The following TMIE variants were observed in gnomAD, a reference collection of about 807,000 sequenced individuals.
TMIE encodes transmembrane inner ear, also known as transmembrane inner ear expressed protein.
A neutral mutation model predicts 16.8 loss-of-function variants in TMIE; 14 were observed. That is an observed-to-expected ratio of 0.83 (90% CI 0.55 to 1.30). TMIE has a LOEUF of 1.30. Among genes scored for constraint, TMIE ranks in the 50% most tolerant of loss-of-function variants. The pLI is 0.00. For missense variants in TMIE, 204 were observed against 205.9 expected (o/e 0.99, Z 0.06); for synonymous variants, 75 against 87.2 (o/e 0.86, Z 0.78).
Position 46,709,532 on chromosome 3 carries a change from G to A in TMIE, c.362-47G>A, listed in dbSNP as rs774359006. 30 of 1,613,918 alleles carry A rather than the reference G, an allele frequency of 1.9e-5. No individual in the cohort carries two copies. In the South Asian group the frequency reaches 2.0e-4, roughly 11 times the overall value. On this transcript the variant is annotated intron_variant, in intron 3 of 3. Coordinates refer to ENST00000643606, the MANE Select transcript of TMIE (RefSeq NM_147196.3). ...TCCCCTCAGGACAGTCAGACCCCAG[G>A]ACCTTGTCTCACCACTATCACATGG...
At chr3:46,700,296 G>A (rs898059420), upstream of TMIE, among the ~76,000 whole-genome samples, 1 of 152,194 alleles carries the variant, frequency 6.6e-6, no homozygotes, top group Non-Finnish European at 1.5e-5. Context: ...ACTGGCAGGT[G>A]ACCGCAGGTG....
chr3:46,707,193 G>A (rs553859794), intron 2 of TMIE, among the ~76,000 whole-genome samples: 6 of 152,316 alleles, frequency 3.9e-5, no homozygotes, highest in Admixed American at 6.5e-5. Context: ...CAGGGCTCGG[G>A]GGTCATCTGC....
chr3:46,694,375 G>T (rs1409782161), upstream of TMIE, among the ~76,000 whole-genome samples: 1 of 152,218 alleles, frequency 6.6e-6, no homozygotes, highest in Non-Finnish European at 1.5e-5. Context: ...CCGGGAGCGG[G>T]AGGGAACTTA....
At chr3:46,702,807 C>G (rs1700494131) in intron 1 of TMIE, among the ~76,000 whole-genome samples, 1 of 152,122 alleles carries the variant, frequency 6.6e-6, no homozygotes, top group Non-Finnish European at 1.5e-5. Context: ...GACCACAAGG[C>G]TGGGCTAGAG....
chr3:46,700,305 T>C (rs1051766879), upstream of TMIE, among the ~76,000 whole-genome samples: 5 of 152,176 alleles, frequency 3.3e-5, no homozygotes, highest in Non-Finnish European at 5.9e-5. Context: ...TGACCGCAGG[T>C]GGCCCTCCGC....
Position 46,701,819 on chromosome 3 carries a change from A to C in TMIE, c.93+239A>C, listed in dbSNP as rs1700481650. Among the ~76,000 whole-genome samples the C allele has an allele frequency of 6.6e-6, 1 of 152,102 alleles. No homozygotes were observed. Among genetic ancestry groups the C allele is most frequent in the African/African-American group, 2.4e-5 (1 of 41,414 alleles). On this transcript the variant is annotated intron_variant, in intron 1 of 3. Coordinates refer to ENST00000643606, the MANE Select transcript of TMIE (RefSeq NM_147196.3). The surrounding 1 kb of genome is among the most constrained non-coding windows in gnomAD (Gnocchi z 4.3). ...CACAGTACCCGATTTCTGGAACATT[A>C]GTCTGACGGGGGAGACTCACCTTGA...
rs1309826147 is a variant in TMIE, at chr3:46,709,819, C to T, written c.*131C>T. On this transcript the variant is annotated 3_prime_UTR_variant, in exon 4 of 4. Transcript: ENST00000643606. ...CAGAGAGGGAAGCTGAGGCCCATGG[C>T]CACATCCTCATGGCCCATCAGGGGC... The T allele has an allele frequency of 6.5e-7, 1 of 1,544,992 alleles. No individual in the cohort carries two copies. The highest frequency in any genetic ancestry group is 1.4e-5 in the African/African-American group (1 of 73,450).
At chr3:46,696,003 G>T (rs146947143) in intron 1 of TMIE, among the ~76,000 whole-genome samples, 2 of 152,126 alleles carry the variant, frequency 1.3e-5, no homozygotes, top group Non-Finnish European at 2.9e-5. Flanking sequence ...AGCCTCTGCT[G>T]AGTCCACCTG....
chr3:46,704,503 C>A (rs1360179579), intron 1 of TMIE, among the ~76,000 whole-genome samples: 1 of 125,864 alleles, frequency 7.9e-6, no homozygotes, highest in Non-Finnish European at 1.6e-5. Flanking sequence ...AGGGCAGGAC[C>A]GTGTCCCCTA....
At chr3:46,707,866 A>C (rs1700571781) in intron 2 of TMIE, among the ~76,000 whole-genome samples, 1 of 152,162 alleles carries the variant, frequency 6.6e-6, no homozygotes, top group Non-Finnish European at 1.5e-5. Flanking sequence ...TGGCTAGAAG[A>C]GGTGGCCTAA....
chr3:46,699,983 C>G (rs1365143771), upstream of TMIE, among the ~76,000 whole-genome samples: 2 of 152,380 alleles, frequency 1.3e-5, no homozygotes, highest in East Asian at 3.9e-4. Context: ...CCCTGTCCAG[C>G]CTCCCTGACC....
chr3:46,696,876 G>T (rs758832597), upstream of TMIE, among the ~76,000 whole-genome samples: 8 of 152,178 alleles, frequency 5.3e-5, no homozygotes, highest in Non-Finnish European at 8.8e-5. Context: ...AAGGGTGGGG[G>T]ACTTGGAGTC....
At chr3:46,709,333 T>G in intron 3 of TMIE, 58 bp downstream of exon 3, 2 of 1,612,040 alleles carry the variant, frequency 1.2e-6, no homozygotes, top group South Asian at 2.2e-5. Flanking sequence ...TCCTGCTGCC[T>G]GGAGTCACCC....
At chr3:46,708,566 G>A (rs751810508) in intron 2 of TMIE, among the ~76,000 whole-genome samples, 27 of 152,242 alleles carry the variant, frequency 1.8e-4, no homozygotes, top group Admixed American at 8.5e-4. Context: ...AAATAACTCC[G>A]TCTGAGGTGA....
chr3:46,701,228 C>A, upstream of TMIE: 1 of 372,132 alleles, frequency 2.7e-6, no homozygotes, highest in Non-Finnish European at 4.8e-6. The surrounding 1 kb of genome is among the most constrained non-coding windows in gnomAD (Gnocchi z 4.3). Flanking sequence ...ACCCCCACCT[C>A]AGTGTCCCTG....
chr3:46,702,786 C>G (rs1700493142), intron 1 of TMIE, among the ~76,000 whole-genome samples: 1 of 152,092 alleles, frequency 6.6e-6, no homozygotes, highest in Non-Finnish European at 1.5e-5. Context: ...CTGCTGTTGC[C>G]CAGAGGGCAT....
At chr3:46,698,381 T>G (rs1415969059), upstream of TMIE, among the ~76,000 whole-genome samples, 16 of 152,018 alleles carry the variant, frequency 1.1e-4, no homozygotes, top group Non-Finnish European at 1.5e-5. Flanking sequence ...TCACACAGCC[T>G]TTAACAAGAA....
intron 2 of TMIE, among the ~76,000 whole-genome samples, chr3:46,707,723 G>A (rs1022275207): frequency 7.9e-5 from 12 of 152,214 alleles, no homozygotes; most frequent in African/African-American, 2.9e-4. Context: ...GAAGTGAGGG[G>A]TGGTGTTTGA....
At chr3:46,707,375 C>T (rs1205649122) in intron 2 of TMIE, among the ~76,000 whole-genome samples, 2 of 152,182 alleles carry the variant, frequency 1.3e-5, no homozygotes, top group African/African-American at 4.8e-5. Context: ...ACCCCATTTC[C>T]TAGAAAGGGT....
Sources: gnomAD v4.1 joint callset for allele counts (sites outside exome capture counted in the v4.1 genomes callset) on GRCh38, gnomAD v4.1.1 for gene constraint, Gnocchi (gnomAD v3.1) non-coding constraint, MANE v1.5 for transcripts, NCBI Gene and HGNC (gene_info 2026-07-23, HGNC 2026-07-21) for gene names.